Variants in CX3CR1 observed in about 807,000 individuals in gnomAD.
The protein encoded by CX3CR1 is CX3C chemokine receptor 1.
For missense variants in CX3CR1, 363 were observed against 432.4 expected, an observed-to-expected ratio of 0.84 and a Z score of 1.42; for synonymous variants, 168 against 178.5, an observed-to-expected ratio of 0.94 and a Z score of 0.47.
At chr3:39,280,088 T>G (rs2040878992), upstream of CX3CR1, 1 of 977,154 alleles carries the variant, frequency 1.0e-6, no homozygotes, top group Non-Finnish European at 1.2e-6. Flanking sequence ...CAATAGTATC[T>G]TGTTTCCTGT....
chr3:39,292,004 C>T, the CX3CR1 span, among the ~76,000 whole-genome samples: 5 of 152,328 alleles, frequency 3.3e-5, no homozygotes, highest in East Asian at 9.6e-4. Flanking sequence ...GAAATGGTTC[C>T]AGTGAATGGA....
intron 1 of CX3CR1, among the ~76,000 whole-genome samples, chr3:39,277,379 G>C (rs1367909734): frequency 6.6e-6 from 1 of 152,152 alleles, no homozygotes; most frequent in Non-Finnish European, 1.5e-5. Context: ...CCAACTTCTC[G>C]GAATGCCTGG....
At chr3:39,271,456 G>A (rs1003445776) in intron 1 of CX3CR1, among the ~76,000 whole-genome samples, 3 of 152,206 alleles carry the variant, frequency 2.0e-5, no homozygotes, top group Non-Finnish European at 2.9e-5. Flanking sequence ...AGCCCCAGGA[G>A]ATGAGAAGAG....
chr3:39,286,096 T>G (rs1346595801), upstream of CX3CR1: 2 of 152,234 alleles, frequency 1.3e-5, no homozygotes, highest in Non-Finnish European at 2.9e-5. Context: ...ACCTACAAGA[T>G]AACCTTACAT....
At chr3:39,274,848 G>A (rs1041769369) in intron 1 of CX3CR1, among the ~76,000 whole-genome samples, 7 of 151,702 alleles carry the variant, frequency 4.6e-5, no homozygotes, top group Admixed American at 6.6e-5. Context: ...TTTTCTCAGA[G>A]CATTTACTTT....
chr3:39,283,795 TTATATATATATA>T (rs59133796), upstream of CX3CR1, among the ~76,000 whole-genome samples: 407 of 65,252 alleles, frequency 6.2e-3, 5 homozygotes, highest in African/African-American at 7.8e-3. Context: ...AAAAAAAAAA[TTATATATATATA>T]TATATATATA....
upstream of CX3CR1, chr3:39,286,497 A>G (rs2040943724): frequency 6.6e-6 from 1 of 151,612 alleles, no homozygotes; most frequent in African/African-American, 2.4e-5. Flanking sequence ...AAAAAATACA[A>G]AAAATTAGCC....
intron 1 of CX3CR1, among the ~76,000 whole-genome samples, chr3:39,269,903 A>G (rs181444074): frequency 8.7e-4 from 133 of 152,352 alleles, no homozygotes; most frequent in African/African-American, 3.1e-3. Context: ...ATCGCTTTCT[A>G]TGAGTTCCCA....
chr3:39,275,231 T>C (rs1439118216), intron 1 of CX3CR1, among the ~76,000 whole-genome samples: 2 of 152,220 alleles, frequency 1.3e-5, no homozygotes, highest in Non-Finnish European at 2.9e-5. Context: ...ATAGGCTTTT[T>C]GTCAGCTTTA....
chr3:39,292,861 C>T, the CX3CR1 span, among the ~76,000 whole-genome samples: 1 of 152,238 alleles, frequency 6.6e-6, no homozygotes, highest in African/African-American at 2.4e-5. Flanking sequence ...AAACTGGCAT[C>T]TGTCTGCTTT....
upstream of CX3CR1, chr3:39,280,152 G>A: frequency 5.1e-6 from 5 of 975,580 alleles, no homozygotes; most frequent in Non-Finnish European, 6.1e-6. Context: ...CTCCAGGGTG[G>A]AGGCCAGCTG....
intron 1 of CX3CR1, among the ~76,000 whole-genome samples, chr3:39,271,606 GC>G (rs1257909616): frequency 6.6e-6 from 1 of 152,162 alleles, no homozygotes; most frequent in Non-Finnish European, 1.5e-5. Context: ...TGTCTTCTGT[GC>G]AAATCTCAAG....
At chr3:39,269,976 C>T (rs1468704825) in intron 1 of CX3CR1, among the ~76,000 whole-genome samples, 1 of 152,248 alleles carries the variant, frequency 6.6e-6, no homozygotes, top group East Asian at 1.9e-4. Context: ...TTCACATTTC[C>T]ATTTTGCACA....
intron 1 of CX3CR1, among the ~76,000 whole-genome samples, chr3:39,267,686 T>C (rs1326553721): frequency 2.0e-5 from 3 of 152,336 alleles, no homozygotes; most frequent in Admixed American, 2.0e-4. Flanking sequence ...TGATTCAAGA[T>C]GGAGGATGGG....
At chr3:39,275,969 G>T (rs902753078) in intron 1 of CX3CR1, among the ~76,000 whole-genome samples, 9 of 152,230 alleles carry the variant, frequency 5.9e-5, no homozygotes, top group African/African-American at 1.7e-4. Context: ...TTTAAGGATG[G>T]GGAAAGTCTT....
chr3:39,271,039 C>T (rs1298910313), intron 1 of CX3CR1, among the ~76,000 whole-genome samples: 1 of 152,114 alleles, frequency 6.6e-6, no homozygotes, highest in African/African-American at 2.4e-5. Context: ...CAGATGTGTT[C>T]GGCCTCAGCA....
chr3:39,289,394 C>T, the CX3CR1 span, among the ~76,000 whole-genome samples: 1 of 152,166 alleles, frequency 6.6e-6, no homozygotes, highest in Non-Finnish European at 1.5e-5. Flanking sequence ...AGAAGAGCCT[C>T]ACTCATTAGT....
chr3:39,281,156 G>T, upstream of CX3CR1: 1 of 1,017,656 alleles, frequency 9.8e-7, no homozygotes. Flanking sequence ...GCAGTGCTGC[G>T]GGCTTGGTGG....
chr3:39,266,313 G>A lies in CX3CR1; in HGVS notation c.197C>T (p.Thr66Ile). ...LTNSKKPKSV[T>I]DIYLLNLALS... Reference sequence around the variant, plus strand: ...GGCCAGGTTCAGGAGGTAAATGTCGGTGACACTCTTGGGCTTCTTGCTGTT... The same window carrying A: ...GGCCAGGTTCAGGAGGTAAATGTCGATGACACTCTTGGGCTTCTTGCTGTT... Residue 66 changes from threonine to isoleucine, a missense_variant, in exon 2 of 2, where the codon ACC becomes ATC. By Grantham distance (89) the Thr-to-Ile change is moderately conservative. Transcript: ENST00000399220. The A allele has an allele frequency of 6.2e-7, 1 of 1,614,210 alleles. No individual in the cohort carries two copies. Among genetic ancestry groups the A allele is most frequent in the African/African-American group, 1.3e-5 (1 of 75,048 alleles).
Sources: allele counts gnomAD v4.1 joint callset (sites outside exome capture counted in the v4.1 genomes callset), GRCh38; gene constraint gnomAD v4.1.1; transcripts MANE v1.5; gene names NCBI Gene and HGNC (gene_info 2026-07-23, HGNC 2026-07-21).